NRXN2: variants seen among roughly 807,000 people sequenced by gnomAD.
The protein encoded by NRXN2 is neurexin-2-beta.
Under a neutral mutation model 128.8 loss-of-function variants are expected in NRXN2, and 29 were observed. The observed-to-expected ratio is 0.23, with a 90% CI of 0.17 to 0.31. The LOEUF is 0.31. Ranked by LOEUF, NRXN2 falls within the 10% of genes least tolerant of loss-of-function variation. NRXN2 has a pLI of 1.00. For synonymous variants in NRXN2, 1,098 were observed against 1,075.2 expected (o/e 1.02, Z -0.41); for missense variants, 1,881 against 2,452.6 (o/e 0.77, Z 4.92).
intron 17 of NRXN2, among the ~76,000 whole-genome samples, chr11:64,643,793 C>G (rs2046203532): frequency 6.6e-6 from 1 of 151,954 alleles, no homozygotes; most frequent in Admixed American, 6.5e-5. Context: ...TCCTCCTGCA[C>G]CCCCCTCCTG....
chr11:64,670,713 C>G (rs1234597511), intron 7 of NRXN2, among the ~76,000 whole-genome samples: 1 of 152,220 alleles, frequency 6.6e-6, no homozygotes, highest in Non-Finnish European at 1.5e-5. Context: ...TAAAGATCGC[C>G]TTATGACCCA....
Position 64,648,597 on chromosome 11 carries a change from C to T in NRXN2, c.3283+137G>A, listed in dbSNP as rs528567507. On this transcript the variant is annotated intron_variant, in intron 16 of 22. Transcript: ENST00000265459. The surrounding 1 kb of genome is among the most constrained non-coding windows in gnomAD (Gnocchi z 4.1). Reference sequence around the variant, plus strand: ...ACACACCTGTATCCCTGCCCCAGAACTGTGGGGGCAAGCTCCCATAAGGCC... The same window carrying T: ...ACACACCTGTATCCCTGCCCCAGAATTGTGGGGGCAAGCTCCCATAAGGCC... 1.9e-3 allele frequency: 2,300 copies of T among 1,239,430 alleles called. 7 individuals are homozygous for T. Among genetic ancestry groups the T allele is most frequent in the Non-Finnish European group, 2.3e-3 (1,947 of 853,908 alleles). The allele number at this position is 1,239,430 out of a possible 1,614,324, so 76.8% of individuals were successfully genotyped here.
chr11:64,615,195 C>T lies in NRXN2; in HGVS notation c.4252+5099G>A, dbSNP rs562614283. Among the ~76,000 whole-genome samples the T allele has an allele frequency of 1.8e-4, 27 of 152,352 alleles. No individual in the cohort carries two copies. The South Asian group carries it at 5.0e-3, about 28-fold the overall frequency. ...AAATCTTCCACTTCACAACTCCATG[C>T]CGGGTCCCCTTCCACCACAACTCAG... On this transcript the variant is annotated intron_variant, in intron 22 of 22. Transcript: ENST00000265459.
chr11:64,696,356 G>A (rs1317052158), intron 3 of NRXN2, among the ~76,000 whole-genome samples: 1 of 151,996 alleles, frequency 6.6e-6, no homozygotes, highest in East Asian at 1.9e-4. Flanking sequence ...ACAGAAATGT[G>A]GGCCACACCA....
intron 2 of NRXN2, among the ~76,000 whole-genome samples, chr11:64,709,376 G>A (rs1052589019): frequency 6.6e-6 from 1 of 151,920 alleles, no homozygotes; most frequent in Non-Finnish European, 1.5e-5. Context: ...ACCCAACCAT[G>A]GGAGCCCATG....
intron 17 of NRXN2, chr11:64,642,840 CG>C: frequency 9.8e-7 from 1 of 1,017,436 alleles, no homozygotes. Flanking sequence ...GCCCCATGGC[CG>C]GGGGCGGGGA....
At chr11:64,708,669 C>T (rs992521825) in intron 2 of NRXN2, among the ~76,000 whole-genome samples, 7 of 152,198 alleles carry the variant, frequency 4.6e-5, no homozygotes, top group Non-Finnish European at 7.3e-5. Flanking sequence ...CCAAAGGATA[C>T]ACAAATTCGT....
At chr11:64,661,588 T>C (rs1412767760) in intron 9 of NRXN2, among the ~76,000 whole-genome samples, 2 of 152,194 alleles carry the variant, frequency 1.3e-5, no homozygotes, top group East Asian at 3.8e-4. Flanking sequence ...AAGGAGTTTT[T>C]TCCCCCCACA....
Position 64,686,174 on chromosome 11 carries a change from C to T in NRXN2, c.851-227G>A, listed in dbSNP as rs2078117883. On this transcript the variant is annotated intron_variant, in intron 5 of 22. Coordinates refer to ENST00000265459, the MANE Select transcript of NRXN2 (RefSeq NM_015080.4). ...AATGTCCCCTGTGTCCATTTCCAAA[C>T]CAGGAGGCTGCTAAGTGGCTCCCAC... 2.0e-5 allele frequency among the ~76,000 whole-genome samples: 3 copies of T among 152,154 alleles called. No homozygotes were observed. The South Asian group carries it at 6.2e-4, about 31-fold the overall frequency.
intron 19 of NRXN2, among the ~76,000 whole-genome samples, chr11:64,627,756 G>A (rs1376956061): frequency 3.3e-5 from 5 of 152,150 alleles, no homozygotes; most frequent in African/African-American, 4.8e-5. Flanking sequence ...CTGCAGCAGT[G>A]GAAAGAGAAC....
At chr11:64,686,148 C>T (rs1010830775) in intron 5 of NRXN2, among the ~76,000 whole-genome samples, 2 of 152,144 alleles carry the variant, frequency 1.3e-5, no homozygotes, top group Non-Finnish European at 2.9e-5. Context: ...TGTCAAAAGT[C>T]AATGTCCCCT....
In NRXN2 at chr11:64,661,087, G is replaced by A. The variant is rs546067920; in HGVS notation, c.1851C>T (p.Ser617=). ...RSTPFLATGD[S]EILDLESELY... is the part of the protein sequence containing the mutation. ...GCTCACTCTCCAGGTCCAGAATCTC[G>A]CTGTCTCCAGTGGCCAAGAACGGCG... Residue 617 remains serine (S), a synonymous_variant, in exon 10 of 23, where the codon AGC becomes AGT. Coordinates refer to ENST00000265459, the MANE Select transcript of NRXN2 (RefSeq NM_015080.4). 18 of 1,613,404 alleles carry A rather than the reference G, an allele frequency of 1.1e-5. No homozygotes were observed. Among genetic ancestry groups the A allele is most frequent in the African/African-American group, 6.7e-5 (5 of 74,924 alleles).
At chr11:64,696,528 T>TACACAA (rs1555100786) in intron 3 of NRXN2, among the ~76,000 whole-genome samples, 1 of 138,772 alleles carries the variant, frequency 7.2e-6, no homozygotes, top group African/African-American at 2.7e-5. Context: ...CATACATACA[T>TACACAA]ACACACACAC....
intron 17 of NRXN2, chr11:64,642,697 A>G: frequency 2.6e-6 from 4 of 1,521,084 alleles, no homozygotes; most frequent in Non-Finnish European, 3.5e-6. Flanking sequence ...CAGCGGCAAC[A>G]GCGGCAGCAG....
At chr11:64,638,110 C>G (rs747016084) in intron 17 of NRXN2, among the ~76,000 whole-genome samples, 41 of 152,272 alleles carry the variant, frequency 2.7e-4, no homozygotes, top group Non-Finnish European at 4.6e-4. Flanking sequence ...AGGACAGGGA[C>G]TGGCCAAGCG....
At chr11:64,620,840 A>G (rs527639008) in intron 21 of NRXN2, among the ~76,000 whole-genome samples, 8 of 148,532 alleles carry the variant, frequency 5.4e-5, no homozygotes, top group African/African-American at 1.7e-4. Context: ...CTCTCTCCCA[A>G]CCCCCTTTCC....
At position 64,625,474 on chromosome 11, in the gene NRXN2, T is replaced by C. The variant is rs1009632142; in HGVS notation, c.3847+989A>G. On this transcript the variant is annotated intron_variant, in intron 20 of 22. Transcript: ENST00000265459. ...TTTGTCCTGTTATGGGTTTATCACA[T>C]CTGGTTATCAGCAGGTTTAGGCCCC... 1.2e-4 allele frequency among the ~76,000 whole-genome samples: 19 copies of C among 152,192 alleles called. No homozygotes were observed. In the East Asian group the frequency reaches 3.7e-3, roughly 29 times the overall value.
At chr11:64,681,194 G>A (rs1291957985) in intron 6 of NRXN2, among the ~76,000 whole-genome samples, 5 of 151,198 alleles carry the variant, frequency 3.3e-5, no homozygotes, top group Non-Finnish European at 5.9e-5. Context: ...CTCACATGAA[G>A]TAGTTAGATC....
chr11:64,688,641 T>C (rs1467557488), intron 5 of NRXN2: 1 of 985,230 alleles, frequency 1.0e-6, no homozygotes, highest in Non-Finnish European at 1.2e-6. Context: ...GCTTGCACAA[T>C]TACCGCCCCT....
Sources: allele counts gnomAD v4.1 joint callset (sites outside exome capture counted in the v4.1 genomes callset), GRCh38; gene constraint gnomAD v4.1.1; non-coding constraint Gnocchi (gnomAD v3.1); transcripts MANE v1.5; gene names NCBI Gene and HGNC (gene_info 2026-07-23, HGNC 2026-07-21).